The following PPP2R5A variants were observed in gnomAD, a reference collection of about 807,000 sequenced individuals.
PPP2R5A encodes protein phosphatase 2 regulatory subunit B'alpha, also known as serine/threonine-protein phosphatase 2A 56 kDa regulatory subunit alpha isoform.
PPP2R5A carries 25 observed loss-of-function variants against 64.2 expected under a neutral mutation model. The observed-to-expected ratio is 0.39, with a 90% confidence interval of 0.28 to 0.54. The LOEUF (loss-of-function observed/expected upper bound fraction) is 0.54. Among genes scored for constraint, PPP2R5A ranks in the 20% least tolerant of loss-of-function variants. PPP2R5A has a pLI of 0.67. For synonymous variants in PPP2R5A, 198 were observed against 201.2 expected, an observed-to-expected ratio of 0.98 and a Z score of 0.13; for missense variants, 425 against 576.3, an observed-to-expected ratio of 0.74 and a Z score of 2.69.
chr1:212,344,075 G>T (rs1018285776), intron 4 of PPP2R5A, among the ~76,000 whole-genome samples: 7 of 152,146 alleles, frequency 4.6e-5, no homozygotes, highest in Non-Finnish European at 1.0e-4. Context: ...AGGTTCAAGC[G>T]ATTCTCCTGG....
chr1:212,308,497 C>T (rs1014888824), intron 1 of PPP2R5A, among the ~76,000 whole-genome samples: 2 of 151,588 alleles, frequency 1.3e-5, no homozygotes, highest in Non-Finnish European at 2.9e-5. Context: ...CAACCTGTGC[C>T]TCTCAGGTTC....
At chr1:212,326,551 C>T (rs932782350) in intron 1 of PPP2R5A, among the ~76,000 whole-genome samples, 9 of 152,018 alleles carry the variant, frequency 5.9e-5, no homozygotes, top group South Asian at 2.1e-4. Context: ...GAGCCAAGAT[C>T]GCGCCACCAC....
chr1:212,303,754 G>T (rs1241821318), intron 1 of PPP2R5A, among the ~76,000 whole-genome samples: 1 of 152,052 alleles, frequency 6.6e-6, no homozygotes, highest in Non-Finnish European at 1.5e-5. Flanking sequence ...TATTTTGTGT[G>T]TAGTTATCAC....
At chr1:212,348,297 T>G (rs701908) in intron 6 of PPP2R5A, 92 bp from the exon 7 acceptor site, 622,681 of 778,956 alleles carry the variant, frequency 0.8, 250,143 homozygotes, top group African/African-American at 0.94. Flanking sequence ...GATTGAAGCA[T>G]AGCACTGTTC....
chr1:212,336,533 T>A (rs566720569), intron 3 of PPP2R5A, among the ~76,000 whole-genome samples: 2 of 152,226 alleles, frequency 1.3e-5, no homozygotes, highest in South Asian at 2.1e-4. Context: ...AGTTAAAAAA[T>A]CTTTCTGAAA....
intron 1 of PPP2R5A, among the ~76,000 whole-genome samples, chr1:212,308,674 G>T (rs1005219363): frequency 1.1e-4 from 17 of 152,110 alleles, no homozygotes; most frequent in Admixed American, 3.3e-4. Context: ...CTCCCAAAGT[G>T]CTGGGATTAC....
In PPP2R5A at chr1:212,325,660, A is replaced by C. The variant is rs144657719; in HGVS notation, c.182-3475A>C. Among the ~76,000 whole-genome samples, 3 of 152,064 alleles carry C rather than the reference A, an allele frequency of 2.0e-5. No homozygotes were observed. The East Asian group carries it at 5.8e-4, about 29-fold the overall frequency. On this transcript the variant is annotated intron_variant, in intron 1 of 12. Transcript: ENST00000261461. ...CATTATGGAATTTATATTAATTATAAAGATATATATTATAAAATAAAGCCA... is the reference window on the plus strand; with the variant it reads ...CATTATGGAATTTATATTAATTATACAGATATATATTATAAAATAAAGCCA...
chr1:212,352,944 TACC>T (rs779850884), intron 8 of PPP2R5A: 7 of 518,648 alleles, frequency 1.3e-5, no homozygotes, highest in Non-Finnish European at 2.7e-5. Flanking sequence ...TTTGGGAAAA[TACC>T]ATTCCATTGG....
At chr1:212,352,863 C>G in intron 8 of PPP2R5A, 1 of 519,134 alleles carries the variant, frequency 1.9e-6, no homozygotes, top group Non-Finnish European at 3.8e-6. Flanking sequence ...CTGCTGTGGT[C>G]AAAAAGAAGC....
At chr1:212,358,253 A>T (rs1437554826) in intron 11 of PPP2R5A, 2 of 153,366 alleles carry the variant, frequency 1.3e-5, no homozygotes, top group East Asian at 3.8e-4. Context: ...CCCCTCTATA[A>T]ATGGCACTGT....
Position 212,360,706 on chromosome 1 carries a change from C to G in PPP2R5A, c.1397C>G (p.Ala466Gly), listed in dbSNP as rs1311588181. The change falls in exon 13 of 13, where the codon GCT (alanine) becomes GGT (glycine). Residue 466 changes from alanine (A) to glycine (G), a missense_variant. By Grantham distance (60) the Ala-to-Gly change is moderately conservative. Transcript: ENST00000261461. ...TTAGAGGAGCTAAAGCTAAAGAAAG[C>G]TCTAGAAAAACAGAATAGTGCTTAC... ...KKLEELKLKK[A>G]LEKQNSAYNM... 22 of 1,597,806 alleles carry G rather than the reference C, an allele frequency of 1.4e-5. No homozygotes were observed. The Admixed American group carries it at 3.8e-4, about 28-fold the overall frequency.
At chr1:212,297,029 A>G (rs1014921989) in intron 1 of PPP2R5A, among the ~76,000 whole-genome samples, 1 of 151,374 alleles carries the variant, frequency 6.6e-6, no homozygotes, top group African/African-American at 2.4e-5. Context: ...ACAGTGCAAC[A>G]GAGAAATATT....
At chr1:212,339,297 C>T (rs1468673854) in intron 3 of PPP2R5A, among the ~76,000 whole-genome samples, 1 of 152,190 alleles carries the variant, frequency 6.6e-6, no homozygotes, top group Non-Finnish European at 1.5e-5. Flanking sequence ...CCTGCCTCAG[C>T]CTCCCAAGTA....
At chr1:212,324,087 G>A (rs903337553) in intron 1 of PPP2R5A, among the ~76,000 whole-genome samples, 1 of 150,782 alleles carries the variant, frequency 6.6e-6, no homozygotes, top group African/African-American at 2.5e-5. Flanking sequence ...AAAAAAAAAT[G>A]TGTAACATGT....
At chr1:212,292,399 GGTACCAAATACA>G (rs1238532224) in intron 1 of PPP2R5A, among the ~76,000 whole-genome samples, 1 of 152,080 alleles carries the variant, frequency 6.6e-6, no homozygotes, top group Non-Finnish European at 1.5e-5. Flanking sequence ...ATCCTGTTAT[GGTACCAAATACA>G]GTATTTTGTG....
At chr1:212,313,576 T>C (rs1214817256) in intron 1 of PPP2R5A, among the ~76,000 whole-genome samples, 1 of 152,142 alleles carries the variant, frequency 6.6e-6, no homozygotes, top group Non-Finnish European at 1.5e-5. Context: ...TTTTAGTTCT[T>C]TCGGAACTAA....
chr1:212,336,116 T>C (rs945628842), intron 3 of PPP2R5A, among the ~76,000 whole-genome samples: 1 of 152,132 alleles, frequency 6.6e-6, no homozygotes, highest in Non-Finnish European at 1.5e-5. Context: ...TCTTTTTTTA[T>C]TTATGTATTT....
chr1:212,332,087 C>T (rs938478855), intron 2 of PPP2R5A, among the ~76,000 whole-genome samples: 5 of 152,192 alleles, frequency 3.3e-5, no homozygotes, highest in African/African-American at 1.2e-4. Flanking sequence ...GATTTCTTTT[C>T]AAATTGTATC....
At chr1:212,320,523 CG>C (rs1246266434) in intron 1 of PPP2R5A, among the ~76,000 whole-genome samples, 2 of 151,518 alleles carry the variant, frequency 1.3e-5, no homozygotes, top group African/African-American at 2.4e-5. Context: ...TAGGGGCGGC[CG>C]GGCAGAGGCG....
Sources: gnomAD v4.1 joint callset for allele counts (sites outside exome capture counted in the v4.1 genomes callset) on GRCh38, gnomAD v4.1.1 for gene constraint, MANE v1.5 for transcripts, NCBI Gene and HGNC (gene_info 2026-07-23, HGNC 2026-07-21) for gene names.